ST6GALNAC5: variants seen among roughly 807,000 people sequenced by gnomAD.
ST6GALNAC5 encodes the protein alpha-N-acetylgalactosaminide alpha-2,6-sialyltransferase 5.
Under a neutral mutation model 33.6 loss-of-function variants are expected in ST6GALNAC5, and 27 were observed. The observed-to-expected ratio is 0.80, with a 90% CI of 0.59 to 1.11. The LOEUF is 1.11. ST6GALNAC5 is among the 50% of genes least tolerant of loss of function. The pLI is 0.00. For synonymous variants in ST6GALNAC5, 194 were observed against 171.2 expected (o/e 1.13, Z -1.04); for missense variants, 428 against 454.0 (o/e 0.94, Z 0.52).
At chr1:76,992,452 C>T (rs117053703) in intron 2 of ST6GALNAC5, among the ~76,000 whole-genome samples, 1 of 152,088 alleles carries the variant, frequency 6.6e-6, no homozygotes, top group East Asian at 2.0e-4. Flanking sequence ...CTCTTCACTG[C>T]AGCCAATTAC....
intron 2 of ST6GALNAC5, among the ~76,000 whole-genome samples, chr1:76,922,851 A>G (rs888393853): frequency 3.3e-5 from 5 of 151,796 alleles, no homozygotes; most frequent in African/African-American, 1.2e-4. Context: ...AGGGAGGATC[A>G]CTTAATCCCA....
chr1:76,976,763 T>C (rs913136738), intron 2 of ST6GALNAC5, among the ~76,000 whole-genome samples: 3 of 152,298 alleles, frequency 2.0e-5, no homozygotes, highest in East Asian at 3.9e-4. Context: ...CCCCATATCA[T>C]TTACTGGTTG....
At chr1:77,005,546 A>G (rs1650374035) in intron 2 of ST6GALNAC5, among the ~76,000 whole-genome samples, 1 of 152,244 alleles carries the variant, frequency 6.6e-6, no homozygotes, top group Admixed American at 6.5e-5. Context: ...ATGGTAAAAT[A>G]TACATATTAT....
chr1:76,894,850 T>C (rs1654091458), intron 2 of ST6GALNAC5, among the ~76,000 whole-genome samples: 1 of 152,198 alleles, frequency 6.6e-6, no homozygotes, highest in East Asian at 1.9e-4. Context: ...CAAACAGGTT[T>C]GTGTGAGCAA....
chr1:76,904,227 T>C (rs1444140154), intron 2 of ST6GALNAC5, among the ~76,000 whole-genome samples: 3 of 152,238 alleles, frequency 2.0e-5, no homozygotes, highest in South Asian at 2.1e-4. Flanking sequence ...CTACTACACA[T>C]GTCTGCGAGG....
At chr1:76,909,042 T>C (rs1378028165) in intron 2 of ST6GALNAC5, among the ~76,000 whole-genome samples, 1 of 152,160 alleles carries the variant, frequency 6.6e-6, no homozygotes, top group Non-Finnish European at 1.5e-5. Flanking sequence ...ACATGAAGCA[T>C]CTAATATTGC....
At chr1:76,965,743 C>T (rs1283450212) in intron 2 of ST6GALNAC5, among the ~76,000 whole-genome samples, 1 of 152,130 alleles carries the variant, frequency 6.6e-6, no homozygotes, top group Non-Finnish European at 1.5e-5. Flanking sequence ...GGTTTTAGGT[C>T]TAACATTTAA....
chr1:76,936,981 T>TGTGTGTGTGTGC (rs1647213130), intron 2 of ST6GALNAC5, among the ~76,000 whole-genome samples: 1 of 151,594 alleles, frequency 6.6e-6, no homozygotes, highest in Non-Finnish European at 1.5e-5. Context: ...TGTGTGTGTG[T>TGTGTGTGTGTGC]GTGTGTGTAT....
chr1:77,033,586 T>TA (rs1433912452), intron 2 of ST6GALNAC5, among the ~76,000 whole-genome samples: 1 of 145,812 alleles, frequency 6.9e-6, no homozygotes, highest in African/African-American at 2.7e-5. Flanking sequence ...GTTGAACACT[T>TA]AGTCGTGTTA....
chr1:76,951,115 C>T (rs1443745634), intron 2 of ST6GALNAC5, among the ~76,000 whole-genome samples: 1 of 152,088 alleles, frequency 6.6e-6, no homozygotes, highest in Non-Finnish European at 1.5e-5. Flanking sequence ...GTAAAGTCAA[C>T]AGGGTTTACA....
intron 2 of ST6GALNAC5, among the ~76,000 whole-genome samples, chr1:76,999,089 T>C (rs144378579): frequency 1.1e-3 from 164 of 152,256 alleles, no homozygotes; most frequent in Non-Finnish European, 2.0e-3. Flanking sequence ...AAGGTTAAAA[T>C]TACCTTTTGG....
At chr1:76,896,660 T>C (rs866812314) in intron 2 of ST6GALNAC5, among the ~76,000 whole-genome samples, 10 of 152,266 alleles carry the variant, frequency 6.6e-5, no homozygotes, top group African/African-American at 2.2e-4. Flanking sequence ...GGAGGCCAGA[T>C]TGAAGTCCGG....
intron 3 of ST6GALNAC5, among the ~76,000 whole-genome samples, chr1:77,045,472 C>A (rs199709): frequency 0.29 from 43,490 of 152,056 alleles, 7,383 homozygotes; most frequent in African/African-American, 0.45. Context: ...AAATAAATAT[C>A]ACTGAATTAC....
In ST6GALNAC5 at chr1:77,066,551, A is replaced by C. The variant is rs908093381; in HGVS notation, c.*3345A>C. On this transcript the variant is annotated 3_prime_UTR_variant, in exon 5 of 5. Transcript: ENST00000477717. ...GATTAAGACAGTGTTATTTAAAGGC[A>C]CATGCACCCATTTAGTACCTGCCTA... is the stretch of plus-strand genomic sequence containing the variant. Among the ~76,000 whole-genome samples the C allele has an allele frequency of 6.6e-6, 1 of 152,262 alleles. No individual in the cohort carries two copies. The highest frequency in any genetic ancestry group is 1.5e-5 in the Non-Finnish European group (1 of 68,048).
chr1:77,031,743 G>A (rs1317403543), intron 2 of ST6GALNAC5, among the ~76,000 whole-genome samples: 1 of 152,198 alleles, frequency 6.6e-6, no homozygotes, highest in Non-Finnish European at 1.5e-5. Context: ...TCTCACACAT[G>A]CACTAACTAA....
intron 2 of ST6GALNAC5, among the ~76,000 whole-genome samples, chr1:76,985,191 A>G (rs1176338563): frequency 6.6e-6 from 1 of 152,214 alleles, no homozygotes; most frequent in Non-Finnish European, 1.5e-5. Context: ...AAAGAAAGAA[A>G]GGGTATTCAA....
intron 2 of ST6GALNAC5, among the ~76,000 whole-genome samples, chr1:76,946,375 A>G (rs1400161191): frequency 6.6e-6 from 1 of 152,158 alleles, no homozygotes; most frequent in Admixed American, 6.5e-5. Context: ...TGTATTTGAC[A>G]AAGTAGAAAA....
intron 2 of ST6GALNAC5, among the ~76,000 whole-genome samples, chr1:76,945,500 G>A (rs1331465815): frequency 6.6e-6 from 1 of 151,980 alleles, no homozygotes; most frequent in Non-Finnish European, 1.5e-5. Flanking sequence ...TCTCTATTTT[G>A]TAGACTTTCA....
intron 2 of ST6GALNAC5, among the ~76,000 whole-genome samples, chr1:76,885,855 A>G (rs559587012): frequency 6.6e-6 from 1 of 152,174 alleles, no homozygotes; most frequent in Non-Finnish European, 1.5e-5. Flanking sequence ...AAGTTTTGTA[A>G]ATCATTCCCA....
Sources: allele counts gnomAD v4.1 joint callset (sites outside exome capture counted in the v4.1 genomes callset), GRCh38; gene constraint gnomAD v4.1.1; transcripts MANE v1.5; gene names NCBI Gene and HGNC (gene_info 2026-07-23, HGNC 2026-07-21).